The following ULK4 variants were observed in gnomAD, a reference collection of about 807,000 sequenced individuals.
The protein encoded by ULK4 is unc-51 like kinase 4.
In ULK4, 133 loss-of-function variants were observed where a neutral mutation model predicts 160.6. That is an observed-to-expected ratio of 0.83 (90% CI 0.72 to 0.96). The LOEUF (loss-of-function observed/expected upper bound fraction) is 0.96, where lower values mean the gene tolerates loss of function less well. ULK4 is among the 40% of genes least tolerant of loss of function. The pLI is 0.00. For synonymous variants in ULK4, 534 were observed against 539.8 expected (o/e 0.99, Z 0.15); for missense variants, 1,580 against 1,499.5 (o/e 1.05, Z -0.89).
At chr3:41,730,173 T>C (rs2037777475) in intron 22 of ULK4, among the ~76,000 whole-genome samples, 1 of 152,012 alleles carries the variant, frequency 6.6e-6, no homozygotes, top group African/African-American at 2.4e-5. Context: ...TTTATAGCAA[T>C]AAATGCCCGC....
At chr3:41,455,944 C>T (rs1042560728) in intron 33 of ULK4, among the ~76,000 whole-genome samples, 1 of 152,290 alleles carries the variant, frequency 6.6e-6, no homozygotes, top group Admixed American at 6.5e-5. Context: ...GAGTCTCCCT[C>T]TGTCACCCAG....
rs558665812 is a variant in ULK4, at chr3:41,550,188, G to A, written c.3226+15837C>T. Among the ~76,000 whole-genome samples the A allele has an allele frequency of 1.3e-3, 198 of 152,064 alleles. 1 individual carries two copies. The highest frequency in any genetic ancestry group is 4.6e-3 in the African/African-American group (191 of 41,482). ...GCAAGCATAACATAAAGCCTAAGTA[G>A]TTATTAACTACGGTAAACAATAAAA... On this transcript the variant is annotated intron_variant, in intron 32 of 36. Coordinates refer to ENST00000301831, the MANE Select transcript of ULK4 (RefSeq NM_017886.4).
chr3:41,902,430 T>C (rs1698405304), intron 12 of ULK4, among the ~76,000 whole-genome samples: 1 of 151,628 alleles, frequency 6.6e-6, no homozygotes, highest in African/African-American at 2.4e-5. Context: ...ATACAAAAAT[T>C]AGCCAGGCAT....
intron 35 of ULK4, among the ~76,000 whole-genome samples, chr3:41,254,940 C>T (rs1374189899): frequency 6.6e-6 from 1 of 150,736 alleles, no homozygotes; most frequent in Non-Finnish European, 1.5e-5. Flanking sequence ...CAAAACAAAC[C>T]CAAACTGGGA....
Position 41,576,035 on chromosome 3 carries a change from G to C in ULK4, c.3121-9905C>G, listed in dbSNP as rs71331193. On this transcript the variant is annotated intron_variant, in intron 31 of 36. Coordinates refer to ENST00000301831, the MANE Select transcript of ULK4 (RefSeq NM_017886.4). ...CCCCTTTTATGTATCTGCCTGTAGT[G>C]TTGAAAGAGAGGCCAATCTGCCACA... Among the ~76,000 whole-genome samples the C allele has an allele frequency of 3.9e-5, 6 of 152,186 alleles. No individual in the cohort carries two copies. The East Asian group carries it at 9.6e-4, about 24-fold the overall frequency.
intron 20 of ULK4, among the ~76,000 whole-genome samples, chr3:41,793,879 G>A (rs146157108): frequency 6.6e-6 from 1 of 152,302 alleles, no homozygotes; most frequent in East Asian, 1.9e-4. Flanking sequence ...CCACTCCTGA[G>A]TGGAAAGGAC....
chr3:41,613,031 A>G (rs2032760152), intron 31 of ULK4, among the ~76,000 whole-genome samples: 1 of 152,224 alleles, frequency 6.6e-6, no homozygotes, highest in Non-Finnish European at 1.5e-5. Flanking sequence ...TATTTTCTTA[A>G]TGGGTAGCCA....
intron 17 of ULK4, chr3:41,859,600 C>A: frequency 2.0e-6 from 1 of 509,038 alleles, no homozygotes; most frequent in South Asian, 1.5e-5. Flanking sequence ...TGCATGGTCA[C>A]TGCCTGAGCT....
intron 16 of ULK4, among the ~76,000 whole-genome samples, chr3:41,885,442 G>T (rs1339175252): frequency 1.3e-5 from 2 of 152,074 alleles, no homozygotes; most frequent in African/African-American, 4.8e-5. Context: ...TCACAGTATA[G>T]GTTCCTTCTC....
At chr3:41,829,994 T>C (rs1372398581) in intron 18 of ULK4, among the ~76,000 whole-genome samples, 2 of 151,646 alleles carry the variant, frequency 1.3e-5, no homozygotes, top group Non-Finnish European at 2.9e-5. Flanking sequence ...ATGTCCTTTG[T>C]AGGGACATGG....
chr3:41,569,094 C>T (rs561004147), intron 31 of ULK4, among the ~76,000 whole-genome samples: 9 of 152,310 alleles, frequency 5.9e-5, no homozygotes, highest in Non-Finnish European at 1.5e-5. Flanking sequence ...TCTGTGTCTT[C>T]CCCGGGCACA....
intron 22 of ULK4, among the ~76,000 whole-genome samples, chr3:41,731,837 T>A (rs569058678): frequency 6.6e-6 from 1 of 152,078 alleles, no homozygotes. Context: ...CACACAATTA[T>A]AGCCAGCTGA....
intron 34 of ULK4, among the ~76,000 whole-genome samples, chr3:41,447,969 C>T (rs571297108): frequency 1.3e-5 from 2 of 152,298 alleles, no homozygotes; most frequent in African/African-American, 2.4e-5. Flanking sequence ...CCAGGCAGGA[C>T]AGCAGGAGTG....
intron 30 of ULK4, among the ~76,000 whole-genome samples, chr3:41,619,531 C>T (rs544837499): frequency 1.3e-5 from 2 of 152,012 alleles, no homozygotes; most frequent in African/African-American, 2.4e-5. Context: ...GGGTAAATAA[C>T]GAAATGAAGG....
At chr3:41,765,264 T>C (rs1173527635) in intron 21 of ULK4, among the ~76,000 whole-genome samples, 4 of 152,084 alleles carry the variant, frequency 2.6e-5, no homozygotes, top group African/African-American at 4.8e-5. Flanking sequence ...TGTAGGGACA[T>C]GGATGAAGCT....
chr3:41,546,237 G>A (rs561300793), intron 32 of ULK4, among the ~76,000 whole-genome samples: 2 of 151,862 alleles, frequency 1.3e-5, no homozygotes, highest in African/African-American at 4.8e-5. Context: ...ACTGATTTTT[G>A]TTCTGGGCGG....
Position 41,750,186 on chromosome 3 carries a change from C to T in ULK4, c.2321+4175G>A, listed in dbSNP as rs561249578. ...CCATGGAAACTGTCAGTTTAATAAA[C>T]GGGCACTGCCTTTAATGATGGAGTC... is the stretch of plus-strand genomic sequence containing the variant. On this transcript the variant is annotated intron_variant, in intron 22 of 36. Coordinates refer to ENST00000301831, the MANE Select transcript of ULK4 (RefSeq NM_017886.4). Among the ~76,000 whole-genome samples, 17 of 152,334 alleles carry T rather than the reference C, an allele frequency of 1.1e-4. No homozygotes were observed. In the East Asian group the frequency reaches 2.5e-3, roughly 22 times the overall value.
intron 25 of ULK4, among the ~76,000 whole-genome samples, chr3:41,712,155 C>T (rs9848754): frequency 0.18 from 27,113 of 152,024 alleles, 2,467 homozygotes; most frequent in Middle Eastern, 0.32. Context: ...GTATTTATGC[C>T]TCCATATATA....
At chr3:41,651,996 C>T (rs1419838596) in intron 30 of ULK4, among the ~76,000 whole-genome samples, 3 of 152,106 alleles carry the variant, frequency 2.0e-5, no homozygotes, top group African/African-American at 4.8e-5. Flanking sequence ...AGAAGAATAA[C>T]TATAATAAGC....
Sources: gnomAD v4.1 joint callset for allele counts (sites outside exome capture counted in the v4.1 genomes callset) on GRCh38, gnomAD v4.1.1 for gene constraint, MANE v1.5 for transcripts, NCBI Gene and HGNC (gene_info 2026-07-23, HGNC 2026-07-21) for gene names.